FARS2: variants seen among roughly 807,000 people sequenced by gnomAD.
FARS2 encodes the protein phenylalanyl-tRNA synthetase 2, mitochondrial.
FARS2 carries 40 observed loss-of-function variants against 46.4 expected under a neutral mutation model. The observed-to-expected ratio is 0.86, with a 90% CI of 0.67 to 1.12. The LOEUF (loss-of-function observed/expected upper bound fraction) is 1.12, where lower values mean the gene tolerates loss of function less well. FARS2 is among the 50% of genes most tolerant of loss of function. The pLI is 0.00. For missense variants in FARS2, 513 were observed against 567.9 expected (o/e 0.90, Z 0.98); for synonymous variants, 234 against 214.9 (o/e 1.09, Z -0.78).
chr6:5,763,714 G>C (rs1199857002), intron 6 of FARS2, among the ~76,000 whole-genome samples: 1 of 150,738 alleles, frequency 6.6e-6, no homozygotes, highest in African/African-American at 2.4e-5. Context: ...AAACCGTATA[G>C]AGTCATGAGA....
intron 6 of FARS2, among the ~76,000 whole-genome samples, chr6:5,749,345 T>C (rs1761816852): frequency 6.6e-6 from 1 of 152,228 alleles, no homozygotes; most frequent in African/African-American, 2.4e-5. Flanking sequence ...ATTGATGTTT[T>C]TAAAGGATCT....
intron 2 of FARS2, among the ~76,000 whole-genome samples, chr6:5,393,525 G>A (rs1760710605): frequency 6.6e-6 from 1 of 152,098 alleles, no homozygotes; most frequent in African/African-American, 2.4e-5. Context: ...GGGCATGGTG[G>A]TGCGTGCCTG....
chr6:5,674,490 C>G (rs937524573), intron 6 of FARS2, among the ~76,000 whole-genome samples: 1 of 152,194 alleles, frequency 6.6e-6, no homozygotes, highest in Admixed American at 6.5e-5. Flanking sequence ...CAGATCCATG[C>G]AGAGGTAATA....
intron 1 of FARS2, among the ~76,000 whole-genome samples, chr6:5,365,415 T>C (rs1356835724): frequency 7.0e-6 from 1 of 142,270 alleles, no homozygotes; most frequent in African/African-American, 2.6e-5. Flanking sequence ...TACTGAAGCC[T>C]GAACTCCTGG....
chr6:5,546,846 A>C (rs776445478), intron 5 of FARS2, among the ~76,000 whole-genome samples: 4 of 151,100 alleles, frequency 2.6e-5, no homozygotes, highest in Non-Finnish European at 4.4e-5. Context: ...TCCTTTTTAG[A>C]GTTTTCATTT....
At chr6:5,335,646 C>T (rs181187411) in intron 1 of FARS2, among the ~76,000 whole-genome samples, 1 of 152,144 alleles carries the variant, frequency 6.6e-6, no homozygotes, top group African/African-American at 2.4e-5. Context: ...TTTATCACTG[C>T]TGTTTGGTGA....
At chr6:5,266,764 T>C (rs1409758634) in intron 1 of FARS2, among the ~76,000 whole-genome samples, 2 of 152,366 alleles carry the variant, frequency 1.3e-5, no homozygotes, top group South Asian at 2.1e-4. Context: ...CCGGTTTGTA[T>C]TGGAAATATT....
chr6:5,377,293 G>T (rs1431382270), intron 2 of FARS2, among the ~76,000 whole-genome samples: 2 of 152,204 alleles, frequency 1.3e-5, no homozygotes, highest in African/African-American at 4.8e-5. Context: ...TTGTGTGTGG[G>T]CCCTGAGGAT....
rs193225203 is a variant in FARS2, at chr6:5,418,671, C to T, written c.773-12370C>T. 1.2e-3 allele frequency among the ~76,000 whole-genome samples: 188 copies of T among 152,216 alleles called. 3 individuals carry two copies. Among genetic ancestry groups the T allele is most frequent in the Admixed American group, 3.7e-3 (57 of 15,282 alleles). On this transcript the variant is annotated intron_variant, in intron 3 of 6. Coordinates refer to ENST00000274680, the MANE Select transcript of FARS2 (RefSeq NM_006567.5). The stretch of plus-strand genomic sequence containing the variant: ...TCTTCTGCAGATCTCCAGAGTTCTT[C>T]GCGCAGCTCTCTTCTCTCCTTTACT...
At chr6:5,669,048 G>C (rs757642272) in intron 6 of FARS2, among the ~76,000 whole-genome samples, 2 of 152,084 alleles carry the variant, frequency 1.3e-5, no homozygotes, top group Non-Finnish European at 2.9e-5. Flanking sequence ...TTAACCACTT[G>C]TAATGATGAT....
At chr6:5,351,570 C>G (rs1485069485) in intron 1 of FARS2, among the ~76,000 whole-genome samples, 1 of 152,146 alleles carries the variant, frequency 6.6e-6, no homozygotes, top group Non-Finnish European at 1.5e-5. Flanking sequence ...AACTACATTT[C>G]TTATTTTCCT....
intron 1 of FARS2, chr6:5,291,288 T>A (rs1176123588): frequency 1.3e-5 from 2 of 152,196 alleles, no homozygotes; most frequent in Admixed American, 1.3e-4. Flanking sequence ...GATCCTCTCA[T>A]TTATCATTGG....
intron 4 of FARS2, among the ~76,000 whole-genome samples, chr6:5,494,319 C>T (rs532669785): frequency 6.6e-6 from 1 of 152,266 alleles, no homozygotes; most frequent in Admixed American, 6.5e-5. Flanking sequence ...TCCACCCATC[C>T]TTTAGTTCAC....
intron 6 of FARS2, among the ~76,000 whole-genome samples, chr6:5,674,236 A>G (rs185794946): frequency 6.6e-6 from 1 of 151,356 alleles, no homozygotes; most frequent in East Asian, 1.9e-4. Context: ...GAAACAGTAA[A>G]GCAGATGTCA....
chr6:5,511,756 T>C (rs1009745215), intron 4 of FARS2, among the ~76,000 whole-genome samples: 5 of 152,228 alleles, frequency 3.3e-5, no homozygotes, highest in Admixed American at 6.5e-5. Context: ...CATGCCTCTG[T>C]TATATTAATG....
intron 6 of FARS2, among the ~76,000 whole-genome samples, chr6:5,745,504 G>A (rs563904244): frequency 1.4e-4 from 22 of 152,334 alleles, no homozygotes; most frequent in Non-Finnish European, 2.9e-4. Flanking sequence ...TTTGCAGAAT[G>A]TCCATTTGCT....
At chr6:5,337,020 ACT>A (rs1771206186) in intron 1 of FARS2, among the ~76,000 whole-genome samples, 3 of 149,100 alleles carry the variant, frequency 2.0e-5, no homozygotes, top group South Asian at 2.1e-4. Context: ...AGGTAACAAA[ACT>A]CTGTATATTC....
intron 3 of FARS2, among the ~76,000 whole-genome samples, chr6:5,420,139 G>A (rs935827987): frequency 6.6e-6 from 1 of 152,148 alleles, no homozygotes; most frequent in African/African-American, 2.4e-5. Context: ...ATCAACTCTT[G>A]TGAGACTTAT....
intron 2 of FARS2, among the ~76,000 whole-genome samples, chr6:5,387,244 G>A (rs1760192660): frequency 1.3e-5 from 2 of 152,192 alleles, no homozygotes; most frequent in South Asian, 4.1e-4. Flanking sequence ...ACATCTTTGA[G>A]GAGACAGAGT....
Sources: gnomAD v4.1 joint callset for allele counts (sites outside exome capture counted in the v4.1 genomes callset) on GRCh38, gnomAD v4.1.1 for gene constraint, MANE v1.5 for transcripts, NCBI Gene and HGNC (gene_info 2026-07-23, HGNC 2026-07-21) for gene names.